The following ANKRD44 variants were observed in gnomAD, a reference collection of about 807,000 sequenced individuals.
ANKRD44 encodes the protein serine/threonine-protein phosphatase 6 regulatory ankyrin repeat subunit B.
A neutral mutation model predicts 116.0 loss-of-function variants in ANKRD44; 35 were observed. The observed-to-expected ratio is 0.30, with a 90% CI of 0.23 to 0.40. The LOEUF (loss-of-function observed/expected upper bound fraction) is 0.40. ANKRD44 is among the 10% of genes least tolerant of loss of function. The pLI, the probability that ANKRD44 is intolerant of heterozygous loss-of-function variation, is 1.00. For missense variants in ANKRD44, 1,014 were observed against 1,242.6 expected (o/e 0.82, Z 2.77); for synonymous variants, 435 against 461.8 (o/e 0.94, Z 0.74).
At chr2:197,195,440 C>T (rs1559140267) in intron 1 of ANKRD44, among the ~76,000 whole-genome samples, 2 of 152,162 alleles carry the variant, frequency 1.3e-5, no homozygotes, top group Non-Finnish European at 2.9e-5. Flanking sequence ...CAATCCAAGC[C>T]ATCACAGGAA....
intron 1 of ANKRD44, chr2:197,299,596 T>C (rs556652704): frequency 1.6e-4 from 25 of 152,254 alleles, no homozygotes; most frequent in African/African-American, 6.0e-4. Context: ...AAAACAAACA[T>C]CATATGTTCT....
At chr2:197,178,543 A>C (rs903106919) in intron 2 of ANKRD44, among the ~76,000 whole-genome samples, 2 of 152,222 alleles carry the variant, frequency 1.3e-5, no homozygotes, top group Non-Finnish European at 2.9e-5. Flanking sequence ...CTTAGATGCC[A>C]TGTGAGGTTG....
At chr2:197,064,894 C>G (rs574065601) in intron 16 of ANKRD44, among the ~76,000 whole-genome samples, 8 of 152,200 alleles carry the variant, frequency 5.3e-5, no homozygotes, top group African/African-American at 1.9e-4. Flanking sequence ...GACAGATCAA[C>G]GAGACAGAAA....
rs1382210779 is a variant in ANKRD44 at position 197,085,698 on chromosome 2, T to G, written c.1316+982A>C. On this transcript the variant is annotated intron_variant, in intron 13 of 27. Transcript: ENST00000282272. Reference sequence around the variant, plus strand: ...GGGGAGGAATGAATAATCCACCCCTTGTTTAGCATATAATCAAGAAATAAC... The same window carrying G: ...GGGGAGGAATGAATAATCCACCCCTGGTTTAGCATATAATCAAGAAATAAC... Among the ~76,000 whole-genome samples the G allele has an allele frequency of 2.7e-5, 4 of 149,630 alleles. No homozygotes were observed. The East Asian group carries it at 7.9e-4, about 29-fold the overall frequency.
At chr2:197,246,949 C>G (rs6434920) in intron 1 of ANKRD44, among the ~76,000 whole-genome samples, 48,685 of 152,074 alleles carry the variant, frequency 0.32, 9,724 homozygotes, top group East Asian at 0.65. Context: ...GTTCTAATGT[C>G]AACAAAATAA....
At chr2:197,181,908 T>C (rs1043229261) in intron 2 of ANKRD44, among the ~76,000 whole-genome samples, 6 of 152,192 alleles carry the variant, frequency 3.9e-5, no homozygotes, top group Admixed American at 6.6e-5. Context: ...TCTTGTCCTC[T>C]CCAAGTGTGA....
intron 8 of ANKRD44, among the ~76,000 whole-genome samples, chr2:197,118,500 G>C (rs534892434): frequency 6.6e-6 from 1 of 152,016 alleles, no homozygotes; most frequent in Non-Finnish European, 1.5e-5. Context: ...TGAGGCAGGA[G>C]AATCACTTGA....
At chr2:197,149,869 T>G (rs1474458486) in intron 2 of ANKRD44, among the ~76,000 whole-genome samples, 2 of 152,058 alleles carry the variant, frequency 1.3e-5, no homozygotes, top group Non-Finnish European at 2.9e-5. Flanking sequence ...TGCCATAAGC[T>G]AAACTAATGG....
At chr2:197,100,146 T>A (rs1360509355) in intron 9 of ANKRD44, among the ~76,000 whole-genome samples, 3 of 152,208 alleles carry the variant, frequency 2.0e-5, no homozygotes, top group Non-Finnish European at 2.9e-5. Flanking sequence ...CTATTAGAGA[T>A]GCTTTTGAGG....
At chr2:197,106,001 G>T (rs1402059352) in intron 9 of ANKRD44, among the ~76,000 whole-genome samples, 1 of 152,164 alleles carries the variant, frequency 6.6e-6, no homozygotes, top group Non-Finnish European at 1.5e-5. Flanking sequence ...GAGCCTCCAG[G>T]TTTACCAGTC....
At chr2:197,279,224 T>C (rs1171304174) in intron 1 of ANKRD44, among the ~76,000 whole-genome samples, 1 of 152,166 alleles carries the variant, frequency 6.6e-6, no homozygotes, top group African/African-American at 2.4e-5. Flanking sequence ...TCCTAACTAA[T>C]AAAACTGTGA....
chr2:197,000,818 T>G (rs944097643), intron 22 of ANKRD44, among the ~76,000 whole-genome samples: 2 of 152,192 alleles, frequency 1.3e-5, no homozygotes, highest in Admixed American at 1.3e-4. Context: ...GGCAGGTGGA[T>G]CATGAGGTCA....
At chr2:197,273,978 A>ATATATAT (rs58865111) in intron 1 of ANKRD44, among the ~76,000 whole-genome samples, 1 of 49,722 alleles carries the variant, frequency 2.0e-5, no homozygotes, top group African/African-American at 8.0e-5. Flanking sequence ...AAAAAAAAAA[A>ATATATAT]AAATATATAT....
intron 1 of ANKRD44, among the ~76,000 whole-genome samples, chr2:197,276,989 G>T (rs533959071): frequency 1.3e-5 from 2 of 150,114 alleles, no homozygotes; most frequent in African/African-American, 2.5e-5. Flanking sequence ...GTACAGCGGC[G>T]CAATCTCGGC....
At chr2:197,012,441 A>G (rs1261336118) in intron 18 of ANKRD44, among the ~76,000 whole-genome samples, 1 of 152,236 alleles carries the variant, frequency 6.6e-6, no homozygotes, top group Non-Finnish European at 1.5e-5. Flanking sequence ...TTTGAATTTT[A>G]TAATAATAAC....
intron 2 of ANKRD44, among the ~76,000 whole-genome samples, chr2:197,159,692 C>T (rs1458123809): frequency 6.6e-6 from 1 of 152,168 alleles, no homozygotes; most frequent in Non-Finnish European, 1.5e-5. Context: ...TCTAATGATT[C>T]ATAAAGTTGC....
chr2:197,009,659 G>A (rs545863926), intron 18 of ANKRD44, among the ~76,000 whole-genome samples: 15 of 152,234 alleles, frequency 9.9e-5, no homozygotes, highest in South Asian at 2.1e-4. Flanking sequence ...ATGAGCCACC[G>A]TGCCTGGCCC....
At chr2:197,232,491 A>C (rs1199892028) in intron 1 of ANKRD44, among the ~76,000 whole-genome samples, 1 of 152,202 alleles carries the variant, frequency 6.6e-6, no homozygotes, top group East Asian at 1.9e-4. Context: ...GAAATGGGAG[A>C]AATAAGCACC....
chr2:197,226,327 A>G (rs972345080), intron 1 of ANKRD44, among the ~76,000 whole-genome samples: 1 of 152,132 alleles, frequency 6.6e-6, no homozygotes, highest in East Asian at 1.9e-4. Flanking sequence ...TTAATCACCA[A>G]TTACATTCAT....
Sources: allele counts gnomAD v4.1 joint callset (sites outside exome capture counted in the v4.1 genomes callset), GRCh38; gene constraint gnomAD v4.1.1; transcripts MANE v1.5; gene names NCBI Gene and HGNC (gene_info 2026-07-23, HGNC 2026-07-21).